Variants in PLEKHS1 observed in about 807,000 individuals in gnomAD.
PLEKHS1 encodes the protein pleckstrin homology domain-containing family S member 1.
Under a neutral mutation model 51.0 loss-of-function variants are expected in PLEKHS1, and 55 were observed. The ratio of observed to expected loss-of-function variants is 1.08; its 90% confidence interval spans 0.87 to 1.35. PLEKHS1 has a LOEUF of 1.35. Ranked by LOEUF, PLEKHS1 falls within the 40% of genes most tolerant of loss-of-function variation. PLEKHS1 has a pLI of 0.00. For missense variants in PLEKHS1, 398 were observed against 423.0 expected, an observed-to-expected ratio of 0.94 and a Z score of 0.52; for synonymous variants, 153 against 144.8, an observed-to-expected ratio of 1.06 and a Z score of -0.41.
At chr10:113,780,926 C>CA in exon 12 of PLEKHS1, 1 of 728,252 alleles carries the variant, frequency 1.4e-6, no homozygotes, top group Non-Finnish European at 2.2e-6. Flanking sequence ...TGACTATCCC[C>CA]TCTCTGGTTA....
At position 113,766,512 on chromosome 10, in the gene PLEKHS1, T is replaced by C; in HGVS notation, c.117+13T>C. On this transcript the variant is annotated intron_variant, in intron 3 of 11. Coordinates refer to ENST00000361048, the Ensembl canonical transcript of PLEKHS1. ...GTTCTCCTCTGTGGTAAGTATTTGCTGTGATTTAACAAGCCTCCCACCAGC... is the reference window on the plus strand; with the variant it reads ...GTTCTCCTCTGTGGTAAGTATTTGCCGTGATTTAACAAGCCTCCCACCAGC... 1 of 1,595,224 alleles carries C rather than the reference T, an allele frequency of 6.3e-7. No individual in the cohort carries two copies. Among genetic ancestry groups the C allele is most frequent in the South Asian group, 1.1e-5 (1 of 89,830 alleles).
At chr10:113,777,558 C>T in intron 11 of PLEKHS1, 1 of 1,551,106 alleles carries the variant, frequency 6.4e-7, no homozygotes, top group Non-Finnish European at 8.7e-7. Flanking sequence ...TCCAAAACAG[C>T]TCCTTCAACC....
intron 8 of PLEKHS1, among the ~76,000 whole-genome samples, chr10:113,772,925 C>T (rs1327060544): frequency 6.6e-6 from 1 of 152,132 alleles, no homozygotes; most frequent in South Asian, 2.1e-4. Flanking sequence ...AATCTCAAAA[C>T]CTGAATTATC....
rs536440325 is a variant in PLEKHS1, at chr10:113,764,996, G to A, written c.29-1415G>A. On this transcript the variant is annotated intron_variant, in intron 2 of 11. Coordinates refer to ENST00000361048, the Ensembl canonical transcript of PLEKHS1. The stretch of plus-strand genomic sequence containing the variant: ...TTTTGAAAATATAGTGATAATAACT[G>A]CTTTAATTACTTTCTCTGCCAATTC... The A allele has an allele frequency of 2.4e-5, 4 of 170,210 alleles. No individual in the cohort carries two copies. In the South Asian group the frequency reaches 7.3e-4, roughly 31 times the overall value. The allele number at this position is 170,210 out of a possible 1,614,324, so 10.5% of individuals were successfully genotyped here. A position where few individuals can be genotyped will look rare whatever the true frequency, so the allele number is the denominator to read the frequency against.
chr10:113,770,174 T>C lies in PLEKHS1; in HGVS notation c.552+274T>C, dbSNP rs77503626. On this transcript the variant is annotated intron_variant, in intron 7 of 11. Transcript: ENST00000361048. ...AAGACCCCTTTGCTAAACCAAAACCTAGCTGGCAACTTGCTTCCTTTCTTT... is the reference window on the plus strand; with the variant it reads ...AAGACCCCTTTGCTAAACCAAAACCCAGCTGGCAACTTGCTTCCTTTCTTT... Among the ~76,000 whole-genome samples the C allele has an allele frequency of 1.4e-4, 22 of 152,314 alleles. No individual in the cohort carries two copies. The East Asian group carries it at 2.5e-3, about 17-fold the overall frequency.
chr10:113,764,579 T>G (rs1243462602), intron 2 of PLEKHS1, among the ~76,000 whole-genome samples: 1 of 152,208 alleles, frequency 6.6e-6, no homozygotes, highest in Non-Finnish European at 1.5e-5. Context: ...TGGTGTACTT[T>G]TCTTTGTGTA....
At chr10:113,777,073 C>T in intron 11 of PLEKHS1, 51 bp from the exon 12 acceptor site, 9 of 1,602,006 alleles carry the variant, frequency 5.6e-6, no homozygotes, top group South Asian at 1.1e-5. Context: ...GCCCTGCCCT[C>T]CTGGCCAGCT....
intron 1 of PLEKHS1, 95 bp from the exon 2 acceptor site, chr10:113,755,164 G>C (rs924885946): frequency 1.7e-5 from 23 of 1,368,040 alleles, no homozygotes; most frequent in African/African-American, 1.3e-4. Context: ...CAACATTCGT[G>C]AGCACAATCC....
intron 2 of PLEKHS1, among the ~76,000 whole-genome samples, chr10:113,757,683 C>A (rs1420526011): frequency 2.0e-5 from 3 of 152,122 alleles, no homozygotes; most frequent in Non-Finnish European, 4.4e-5. Flanking sequence ...TTGACCACAT[C>A]GATTGATTGT....
At chr10:113,769,697 G>A in intron 6 of PLEKHS1, 87 bp from the exon 7 acceptor site, 1 of 810,208 alleles carries the variant, frequency 1.2e-6, no homozygotes, top group Admixed American at 1.8e-5. Flanking sequence ...GGAAAAGACA[G>A]GAGGCAAGGA....
chr10:113,783,044 T>C (rs1007015956), downstream of PLEKHS1: 5 of 152,178 alleles, frequency 3.3e-5, no homozygotes, highest in African/African-American at 1.2e-4. Context: ...GAGAACAACC[T>C]GACCAACATG....
At chr10:113,759,012 TA>T (rs373901702) in intron 2 of PLEKHS1, among the ~76,000 whole-genome samples, 5,232 of 145,446 alleles carry the variant, frequency 0.036, 181 homozygotes, top group African/African-American at 0.092. Context: ...AATTTGTAAA[TA>T]AAAAAAAAAG....
chr10:113,774,994 G>A (rs754206570), exon 10 of PLEKHS1: 2 of 1,614,020 alleles, frequency 1.2e-6, no homozygotes, highest in East Asian at 2.2e-5. Context: ...ACCAAAAGGG[G>A]TCGGCCTCAC....
intron 2 of PLEKHS1, among the ~76,000 whole-genome samples, chr10:113,764,054 G>A (rs1031774279): frequency 6.6e-6 from 1 of 152,060 alleles, no homozygotes; most frequent in Non-Finnish European, 1.5e-5. Context: ...GCTGAATATA[G>A]AATTTTGAAT....
At chr10:113,772,062 T>C in exon 8 of PLEKHS1, 1 of 1,613,220 alleles carries the variant, frequency 6.2e-7, no homozygotes, top group Non-Finnish European at 8.5e-7. Flanking sequence ...AGAATCATTA[T>C]CTTACTCCTC....
intron 11 of PLEKHS1, among the ~76,000 whole-genome samples, chr10:113,776,668 G>A (rs532712227): frequency 1.8e-4 from 28 of 152,064 alleles, no homozygotes; most frequent in African/African-American, 3.4e-4. Context: ...TCCAACAAAC[G>A]CTGAGCACTC....
rs759555307 is a variant in PLEKHS1, at chr10:113,771,943, C to A, written c.553-27C>A. ...AATTCTATCTCTTGCAAAGAAAAAGCAAAGCATTTTTATCTCTTTTCTTCA... is the reference window on the plus strand; with the variant it reads ...AATTCTATCTCTTGCAAAGAAAAAGAAAAGCATTTTTATCTCTTTTCTTCA... On this transcript the variant is annotated intron_variant, in intron 7 of 11. Transcript: ENST00000361048. 2.5e-6 allele frequency: 4 copies of A among 1,589,876 alleles called. No individual in the cohort carries two copies. In the South Asian group the frequency reaches 4.6e-5, roughly 18 times the overall value.
intron 2 of PLEKHS1, chr10:113,764,680 T>G (rs1407545958): frequency 2.6e-5 from 4 of 152,184 alleles, no homozygotes; most frequent in Non-Finnish European, 5.9e-5. Flanking sequence ...CAGATATTTT[T>G]TATTTCTCCC....
At chr10:113,753,845 C>G (rs979732226) in intron 1 of PLEKHS1, among the ~76,000 whole-genome samples, 6 of 152,010 alleles carry the variant, frequency 3.9e-5, no homozygotes, top group Non-Finnish European at 7.4e-5. Context: ...GAGTCTTGCT[C>G]TATCACGCAG....
Sources: gnomAD v4.1 joint callset for allele counts (sites outside exome capture counted in the v4.1 genomes callset) on GRCh38, gnomAD v4.1.1 for gene constraint, MANE v1.5 for transcripts, NCBI Gene and HGNC (gene_info 2026-07-23, HGNC 2026-07-21) for gene names.